The following IPO11 variants were observed in gnomAD, a reference collection of about 807,000 sequenced individuals.
IPO11 encodes importin-11.
In IPO11, 66 loss-of-function variants were observed where a neutral mutation model predicts 143.2. The observed-to-expected ratio is 0.46, with a 90% CI of 0.38 to 0.57. The LOEUF (loss-of-function observed/expected upper bound fraction) is 0.57, where lower values mean the gene tolerates loss of function less well. IPO11 is among the 20% of genes least tolerant of loss of function. The pLI is 0.00. For missense variants in IPO11, 1,026 were observed against 1,141.0 expected, an observed-to-expected ratio of 0.90 and a Z score of 1.45; for synonymous variants, 385 against 377.8, an observed-to-expected ratio of 1.02 and a Z score of -0.22.
At chr5:62,562,747 T>C (rs1017876061) in intron 27 of IPO11, among the ~76,000 whole-genome samples, 6 of 152,212 alleles carry the variant, frequency 3.9e-5, no homozygotes, top group Admixed American at 3.9e-4. Flanking sequence ...GAAGTCCTTA[T>C]TTGTTCTTTA....
At chr5:62,416,733 T>A (rs1013510898) in intron 1 of IPO11, among the ~76,000 whole-genome samples, 1 of 151,336 alleles carries the variant, frequency 6.6e-6, no homozygotes, top group Non-Finnish European at 1.5e-5. Flanking sequence ...TTTTTTATTT[T>A]TTTTTTTTGA....
At chr5:62,513,055 A>T (rs1475333683) in intron 19 of IPO11, among the ~76,000 whole-genome samples, 2 of 150,308 alleles carry the variant, frequency 1.3e-5, no homozygotes, top group Non-Finnish European at 3.0e-5. Context: ...TCTATTCCAG[A>T]AAACCGCCAT....
At chr5:62,538,624 A>G (rs773294319) in intron 24 of IPO11, among the ~76,000 whole-genome samples, 4 of 152,174 alleles carry the variant, frequency 2.6e-5, no homozygotes, top group African/African-American at 7.2e-5. Context: ...CTCCCCAGCT[A>G]TGCTGAACTG....
Position 62,525,836 on chromosome 5 carries a change from C to A in IPO11, c.1897-306C>A, listed in dbSNP as rs1287822963. ...TAAAATACCAAAGTTAGTATGTCAT[C>A]TGTAGAGACAGGGAGAGGAAAATAG... On this transcript the variant is annotated intron_variant, in intron 20 of 29. Coordinates refer to ENST00000325324, the MANE Select transcript of IPO11 (RefSeq NM_016338.5). Among the ~76,000 whole-genome samples, 3 of 152,176 alleles carry A rather than the reference C, an allele frequency of 2.0e-5. No homozygotes were observed. The East Asian group carries it at 5.8e-4, about 29-fold the overall frequency.
At chr5:62,622,010 G>A (rs923451075) in intron 29 of IPO11, among the ~76,000 whole-genome samples, 6 of 151,924 alleles carry the variant, frequency 3.9e-5, no homozygotes, top group African/African-American at 1.4e-4. Context: ...ATGGGTTTAA[G>A]TTTAAAGAGC....
At chr5:62,484,547 A>T (rs1746326125) in intron 11 of IPO11, among the ~76,000 whole-genome samples, 1 of 150,500 alleles carries the variant, frequency 6.6e-6, no homozygotes, top group South Asian at 2.1e-4. Flanking sequence ...TTTTTGATGA[A>T]TAGTTTTTTT....
chr5:62,595,298 A>C (rs1200692869), intron 28 of IPO11, among the ~76,000 whole-genome samples: 1 of 152,120 alleles, frequency 6.6e-6, no homozygotes, highest in Non-Finnish European at 1.5e-5. Flanking sequence ...TGAATTTGAG[A>C]TATATTTTGG....
chr5:62,547,777 A>G lies in IPO11; in HGVS notation c.2251-2590A>G, dbSNP rs551973089. Reference sequence around the variant, plus strand: ...GCTAAATAAAACTGTAAAGATTCCTATGGATTGGGGCCAGCCACAGCTATG... The same window carrying G: ...GCTAAATAAAACTGTAAAGATTCCTGTGGATTGGGGCCAGCCACAGCTATG... On this transcript the variant is annotated intron_variant, in intron 24 of 29. Transcript: ENST00000325324. Among the ~76,000 whole-genome samples, 3 of 152,170 alleles carry G rather than the reference A, an allele frequency of 2.0e-5. No individual in the cohort carries two copies. The East Asian group carries it at 5.8e-4, about 29-fold the overall frequency.
chr5:62,578,535 ATAAC>A (rs1410098982), intron 27 of IPO11, among the ~76,000 whole-genome samples: 4 of 152,198 alleles, frequency 2.6e-5, no homozygotes, highest in African/African-American at 9.6e-5. Flanking sequence ...TGGGTTCTGA[ATAAC>A]TAATGTTTTC....
intron 27 of IPO11, among the ~76,000 whole-genome samples, chr5:62,588,954 A>G (rs1744910796): frequency 6.6e-6 from 1 of 151,556 alleles, no homozygotes; most frequent in African/African-American, 2.4e-5. Context: ...CTCACCTTCT[A>G]ATTCACAGAG....
At chr5:62,595,987 G>A (rs886511415) in intron 28 of IPO11, among the ~76,000 whole-genome samples, 4 of 151,788 alleles carry the variant, frequency 2.6e-5, no homozygotes, top group East Asian at 3.9e-4. Context: ...GGCCCGGCGC[G>A]GTGGCTCATG....
rs200419821 is a variant in IPO11 at position 62,619,952 on chromosome 5, CAACTT to C, written c.2764-7199_2764-7195del. Among the ~76,000 whole-genome samples the C allele has an allele frequency of 7.1e-3, 1,077 of 152,252 alleles. 12 individuals are homozygous for C. Among genetic ancestry groups the C allele is most frequent in the African/African-American group, 0.024 (1,012 of 41,534 alleles). On this transcript the variant is annotated intron_variant, in intron 29 of 29. Transcript: ENST00000325324. ...CTTCTGTAACAGACCTCTGGAATCT[CAACTT>C]AATGTAATAGTTTATTGCTCAGGAA...
intron 2 of IPO11, among the ~76,000 whole-genome samples, chr5:62,441,522 TTTTTTTTTA>T: frequency 7.6e-5 from 9 of 118,440 alleles, no homozygotes; most frequent in African/African-American, 3.1e-4. Context: ...TTTTTTTTTT[TTTTTTTTTA>T]TGGGACAGAG....
intron 29 of IPO11, among the ~76,000 whole-genome samples, chr5:62,607,342 A>G (rs1433170226): frequency 6.6e-6 from 1 of 152,150 alleles, no homozygotes; most frequent in Non-Finnish European, 1.5e-5. Context: ...TATAATGTCA[A>G]CAGGGCACCC....
At position 62,494,010 on chromosome 5, in the gene IPO11, G is replaced by A. The variant is rs747576149; in HGVS notation, c.1476G>A (p.Leu492=). The A allele has an allele frequency of 4.3e-6, 7 of 1,611,938 alleles. No individual in the cohort carries two copies. Among genetic ancestry groups the A allele is most frequent in the Non-Finnish European group, 5.9e-6 (7 of 1,178,866 alleles). The part of the protein sequence containing the change: ...LQVIHNRYKP[L]RRRVIWLIGQ... The stretch of plus-strand genomic sequence containing the variant: ...TTTTCCTGTTTAGGTATAAGCCATT[G>A]CGACGCAGGGTGATTTGGCTCATCG... The change falls in exon 16 of 30, where the codon TTG becomes TTA. Residue 492 remains leucine (L), a synonymous_variant. Transcript: ENST00000325324.
chr5:62,511,601 T>G (rs1741749422), intron 19 of IPO11, among the ~76,000 whole-genome samples: 1 of 152,166 alleles, frequency 6.6e-6, no homozygotes, highest in Non-Finnish European at 1.5e-5. Context: ...GCAAATTCTG[T>G]AGTTGTTTGG....
intron 16 of IPO11, among the ~76,000 whole-genome samples, chr5:62,503,725 C>G (rs1741440759): frequency 6.6e-6 from 1 of 152,158 alleles, no homozygotes; most frequent in Non-Finnish European, 1.5e-5. Context: ...AACATCTGCA[C>G]TGTAGGCTCT....
intron 26 of IPO11, among the ~76,000 whole-genome samples, chr5:62,553,303 G>A (rs1366377457): frequency 6.6e-6 from 1 of 150,550 alleles, no homozygotes; most frequent in Non-Finnish European, 1.5e-5. Context: ...TCTTTTTTGA[G>A]GTCGAATAGT....
chr5:62,451,455 A>G (rs1375812228), intron 4 of IPO11, among the ~76,000 whole-genome samples: 1 of 152,116 alleles, frequency 6.6e-6, no homozygotes, highest in African/African-American at 2.4e-5. Context: ...CTGCTTCTTC[A>G]TTTACTCTGT....
Sources: allele counts gnomAD v4.1 joint callset (sites outside exome capture counted in the v4.1 genomes callset), GRCh38; gene constraint gnomAD v4.1.1; transcripts MANE v1.5; gene names NCBI Gene and HGNC (gene_info 2026-07-23, HGNC 2026-07-21).